Variants in CLMN observed in about 807,000 individuals in gnomAD.
The protein encoded by CLMN is calmin (calponin-like, transmembrane).
A neutral mutation model predicts 92.7 loss-of-function variants in CLMN; 57 were observed. The observed-to-expected ratio is 0.61, with a 90% CI of 0.50 to 0.77. CLMN has a LOEUF of 0.77. Among genes scored for constraint, CLMN ranks in the 30% least tolerant of loss-of-function variants. The pLI is 0.00. For synonymous variants in CLMN, 466 were observed against 470.6 expected (o/e 0.99, Z 0.13); for missense variants, 1,158 against 1,237.5 (o/e 0.94, Z 0.96).
chr14:95,192,144 C>T (rs1438371829), intron 12 of CLMN: 1 of 158,982 alleles, frequency 6.3e-6, no homozygotes, highest in Non-Finnish European at 1.4e-5. Context: ...GAGTTAGATA[C>T]TGATCGCTTG....
At chr14:95,300,013 C>A (rs1260089468) in intron 1 of CLMN, among the ~76,000 whole-genome samples, 1 of 152,218 alleles carries the variant, frequency 6.6e-6, no homozygotes, top group Admixed American at 6.5e-5. Flanking sequence ...ACCTATCCTG[C>A]GGAAATTTCA....
intron 1 of CLMN, among the ~76,000 whole-genome samples, chr14:95,287,696 T>C (rs1021443873): frequency 3.9e-5 from 6 of 152,212 alleles, no homozygotes; most frequent in Admixed American, 2.6e-4. Flanking sequence ...TGGTTTAGCA[T>C]TGGAAGATGT....
rs146537779 is a variant in CLMN, at chr14:95,236,772, G to C, written c.83-6639C>G. On this transcript the variant is annotated intron_variant, in intron 1 of 12. Coordinates refer to ENST00000298912, the MANE Select transcript of CLMN (RefSeq NM_024734.4). The stretch of plus-strand genomic sequence containing the variant: ...CTTGGACAATGTCAGTTCTGTACTT[G>C]GGGCCTCAGTTTGCCTATCTGTACA... Among the ~76,000 whole-genome samples, 140 of 152,328 alleles carry C rather than the reference G, an allele frequency of 9.2e-4. 2 individuals carry two copies. Among genetic ancestry groups the C allele is most frequent in the Admixed American group, 3.4e-3 (52 of 15,300 alleles).
intron 1 of CLMN, among the ~76,000 whole-genome samples, chr14:95,270,082 A>G (rs2140719322): frequency 6.6e-6 from 1 of 152,326 alleles, no homozygotes; most frequent in South Asian, 2.1e-4. Flanking sequence ...TCAGACAGCC[A>G]GGGAGGGGAA....
In CLMN at chr14:95,230,144, A is replaced by G. The variant is rs1212715776; in HGVS notation, c.83-11T>C. 12 of 1,613,014 alleles carry G rather than the reference A, an allele frequency of 7.4e-6. No homozygotes were observed. Among genetic ancestry groups the G allele is most frequent in the Non-Finnish European group, 1.0e-5 (12 of 1,179,048 alleles). On this transcript the variant is annotated splice_polypyrimidine_tract_variant and intron_variant, in intron 1 of 12. Coordinates refer to ENST00000298912, the MANE Select transcript of CLMN (RefSeq NM_024734.4). ...CATTTTCCCTCTCAACTGAAAACAA[A>G]GACATACCATCAGCTGGGAGAATAA...
chr14:95,293,132 C>T (rs961302116), intron 1 of CLMN, among the ~76,000 whole-genome samples: 10 of 125,538 alleles, frequency 8.0e-5, no homozygotes, highest in East Asian at 4.7e-4. Context: ...TCCTTCCCTC[C>T]CTCCTTCCCT....
At chr14:95,215,811 CTCTCTGTGTGTGTGTGTGTG>C in intron 4 of CLMN, 78 bp from the exon 5 acceptor site, 7 of 903,056 alleles carry the variant, frequency 7.8e-6, no homozygotes, top group Admixed American at 6.0e-5. Flanking sequence ...TTCTCTCTCT[CTCTCTGTGTGTGTGTGTGTG>C]TGTGTGTGTG....
At chr14:95,277,203 T>A (rs1465904314) in intron 1 of CLMN, among the ~76,000 whole-genome samples, 1 of 152,240 alleles carries the variant, frequency 6.6e-6, no homozygotes, top group Non-Finnish European at 1.5e-5. Flanking sequence ...GCGAATTTGG[T>A]GAACTTTGTG....
At chr14:95,291,011 T>C (rs1407839122) in intron 1 of CLMN, among the ~76,000 whole-genome samples, 2 of 152,176 alleles carry the variant, frequency 1.3e-5, no homozygotes, top group Non-Finnish European at 2.9e-5. Context: ...GCTGCTATGA[T>C]TATTAATATC....
At chr14:95,243,204 C>A (rs945890762) in intron 1 of CLMN, among the ~76,000 whole-genome samples, 1 of 152,180 alleles carries the variant, frequency 6.6e-6, no homozygotes, top group African/African-American at 2.4e-5. Context: ...GGTGTCCTTA[C>A]CGCTCATGGC....
rs1218143398 is a variant in CLMN, at chr14:95,256,945, C to G, written c.83-26812G>C. Reference sequence around the variant, plus strand: ...ATGTTGGGAACAGCAAGGGCAAAGGCTGGGTGGCATCTAATGATGAATGAT... The same window carrying G: ...ATGTTGGGAACAGCAAGGGCAAAGGGTGGGTGGCATCTAATGATGAATGAT... On this transcript the variant is annotated intron_variant, in intron 1 of 12. Transcript: ENST00000298912. This position sits in a 1 kb window ranked among gnomAD's most constrained non-coding sequence, Gnocchi z 4.9. Among the ~76,000 whole-genome samples the G allele has an allele frequency of 6.6e-6, 1 of 152,156 alleles. No individual in the cohort carries two copies. The highest frequency in any genetic ancestry group is 2.4e-5 in the African/African-American group (1 of 41,442).
At position 95,204,411 on chromosome 14, in the gene CLMN, C is replaced by G; in HGVS notation, c.938G>C (p.Arg313Pro). ...KEVPIESTFV[R>P]IKETPSEQES... ...CTGTTCAGAAGGAGTTTCTTTGATG[C>G]GAACAAAAGTGGATTCGATAGGAAC... Residue 313 changes from arginine to proline, a missense_variant, in exon 9 of 13, where the codon CGC becomes CCC. Coordinates refer to ENST00000298912, the MANE Select transcript of CLMN (RefSeq NM_024734.4). 3.7e-6 allele frequency: 6 copies of G among 1,610,458 alleles called. No individual in the cohort carries two copies. The highest frequency in any genetic ancestry group is 5.1e-6 in the Non-Finnish European group (6 of 1,178,970).
chr14:95,310,992 C>T (rs752073215), intron 1 of CLMN, among the ~76,000 whole-genome samples: 1 of 152,074 alleles, frequency 6.6e-6, no homozygotes, highest in Non-Finnish European at 1.5e-5. Context: ...GTTGCAGGGC[C>T]GGAGCAGGAC....
Position 95,203,330 on chromosome 14 carries a change from C to A in CLMN, c.2019G>T (p.Glu673Asp), listed in dbSNP as rs1210440987. The A allele has an allele frequency of 6.2e-7, 1 of 1,614,106 alleles. No homozygotes were observed. The highest frequency in any genetic ancestry group is 1.7e-5 in the Admixed American group (1 of 60,010). ...CACCCTGGAGGTCATCGTCTTCTCC[C>A]TCTTCCTCATAATGAGGACGGGTGG... ...RKSTRPHYEE[E>D]GEDDDLQGVG... The change falls in exon 9 of 13, where the codon GAG becomes GAT. Residue 673 changes from glutamate (E) to aspartate (D), a missense_variant. By Grantham distance (45) the Glu-to-Asp change is conservative (BLOSUM62 2). Coordinates refer to ENST00000298912, the MANE Select transcript of CLMN (RefSeq NM_024734.4).
chr14:95,255,128 G>A (rs1366593068), intron 1 of CLMN, among the ~76,000 whole-genome samples: 1 of 152,186 alleles, frequency 6.6e-6, no homozygotes, highest in Non-Finnish European at 1.5e-5. Context: ...CATGAGAGGA[G>A]GGGCAGGGGA....
At chr14:95,214,419 G>A (rs796747027) in intron 5 of CLMN, among the ~76,000 whole-genome samples, 2 of 135,474 alleles carry the variant, frequency 1.5e-5, no homozygotes, top group African/African-American at 5.6e-5. Context: ...GCATGATCAT[G>A]TCTCACTATA....
intron 1 of CLMN, among the ~76,000 whole-genome samples, chr14:95,270,435 T>A (rs1037787264): frequency 2.0e-5 from 3 of 152,206 alleles, no homozygotes; most frequent in African/African-American, 2.4e-5. Context: ...TTAGCTGTCA[T>A]TCTCCATTCT....
At chr14:95,290,490 T>C (rs1900521644) in intron 1 of CLMN, among the ~76,000 whole-genome samples, 1 of 152,138 alleles carries the variant, frequency 6.6e-6, no homozygotes, top group African/African-American at 2.4e-5. Context: ...AGACAGTTGA[T>C]GGAAACAGAG....
chr14:95,264,980 C>T (rs1469135879), intron 1 of CLMN, among the ~76,000 whole-genome samples: 1 of 151,340 alleles, frequency 6.6e-6, no homozygotes, highest in South Asian at 2.1e-4. Flanking sequence ...GTTGCAGTGG[C>T]TCATGTCTAT....
Sources: allele counts gnomAD v4.1 joint callset (sites outside exome capture counted in the v4.1 genomes callset), GRCh38; gene constraint gnomAD v4.1.1; non-coding constraint Gnocchi (gnomAD v3.1); transcripts MANE v1.5; gene names NCBI Gene and HGNC (gene_info 2026-07-23, HGNC 2026-07-21).